PCSK5: variants seen among roughly 807,000 people sequenced by gnomAD.
PCSK5 encodes proprotein convertase subtilisin/kexin type 5.
PCSK5 carries 129 observed loss-of-function variants against 233.2 expected under a neutral mutation model. The observed-to-expected ratio is 0.55, with a 90% CI of 0.48 to 0.64. The LOEUF (loss-of-function observed/expected upper bound fraction) is 0.64, where lower values mean the gene tolerates loss of function less well. Among genes scored for constraint, PCSK5 ranks in the 30% least tolerant of loss-of-function variants. The probability of loss-of-function intolerance (pLI) is 0.00; values close to 1 mark genes in which losing one functional copy is unlikely to be tolerated. For synonymous variants in PCSK5, 825 were observed against 879.2 expected (o/e 0.94, Z 1.09); for missense variants, 2,076 against 2,430.1 (o/e 0.85, Z 3.06).
chr9:75,899,264 A>G (rs1305304263), intron 1 of PCSK5, among the ~76,000 whole-genome samples: 1 of 152,220 alleles, frequency 6.6e-6, no homozygotes, highest in African/African-American at 2.4e-5. Flanking sequence ...GCATTAGTTT[A>G]TACTTAAGGT....
intron 5 of PCSK5, among the ~76,000 whole-genome samples, chr9:76,047,933 T>C (rs958660928): frequency 9.2e-5 from 14 of 152,200 alleles, no homozygotes; most frequent in Non-Finnish European, 2.1e-4. Context: ...ATTTGAATTT[T>C]AGTAGGGTCA....
At chr9:76,049,789 GA>G (rs1304784104) in intron 5 of PCSK5, among the ~76,000 whole-genome samples, 1 of 152,154 alleles carries the variant, frequency 6.6e-6, no homozygotes, top group Admixed American at 6.5e-5. Flanking sequence ...TTATGATCAG[GA>G]AACAGCCCTG....
rs1830436010 is a variant in PCSK5 at position 76,361,806 on chromosome 9, T to C, written c.*2884T>C. On this transcript the variant is annotated 3_prime_UTR_variant, in exon 38 of 38. Coordinates refer to ENST00000674117, the MANE Select transcript of PCSK5 (RefSeq NM_001372043.1). Reference sequence around the variant, plus strand: ...AAAAATATATGCATGATAGCCATCATATCAATGGAAGACTTTCTCACCTCT... The same window carrying C: ...AAAAATATATGCATGATAGCCATCACATCAATGGAAGACTTTCTCACCTCT... The C allele has an allele frequency of 6.6e-6, 1 of 152,252 alleles. No individual in the cohort carries two copies. Among genetic ancestry groups the C allele is most frequent in the Admixed American group, 6.5e-5 (1 of 15,280 alleles). The allele number at this position is 152,252 out of a possible 1,614,324, so 9.4% of individuals were successfully genotyped here.
At chr9:76,193,397 T>A in intron 20 of PCSK5, 1 of 1,341,924 alleles carries the variant, frequency 7.5e-7, no homozygotes. Flanking sequence ...TATAGATTAT[T>A]CCATATTATT....
At chr9:75,973,346 CAT>C (rs1825881229) in intron 2 of PCSK5, among the ~76,000 whole-genome samples, 1 of 152,146 alleles carries the variant, frequency 6.6e-6, no homozygotes, top group African/African-American at 2.4e-5. Flanking sequence ...CTGTAAATGA[CAT>C]AGGATTATTT....
At chr9:75,945,381 CAA>C (rs1368422505) in intron 2 of PCSK5, among the ~76,000 whole-genome samples, 2 of 151,932 alleles carry the variant, frequency 1.3e-5, no homozygotes, top group Non-Finnish European at 2.9e-5. Context: ...ACTGAGTCAT[CAA>C]GAGATATTGT....
chr9:75,911,330 C>G (rs565938342), intron 1 of PCSK5, among the ~76,000 whole-genome samples: 5 of 148,782 alleles, frequency 3.4e-5, no homozygotes, highest in Admixed American at 2.0e-4. Flanking sequence ...GTCTTTCTCC[C>G]ACTTTGTAGT....
chr9:75,893,523 C>T (rs1825693225), intron 1 of PCSK5, among the ~76,000 whole-genome samples: 1 of 152,132 alleles, frequency 6.6e-6, no homozygotes, highest in Non-Finnish European at 1.5e-5. Flanking sequence ...TTAACAAGGG[C>T]AGAAACAGCT....
chr9:76,338,558 T>C (rs771082613), intron 35 of PCSK5, 111 bp downstream of exon 35: 2 of 712,172 alleles, frequency 2.8e-6, no homozygotes, highest in African/African-American at 3.5e-5. Flanking sequence ...CTTGCTTCCC[T>C]ACCTCGTGTG....
At chr9:76,133,277 T>C (rs1195375242) in intron 9 of PCSK5, among the ~76,000 whole-genome samples, 1 of 152,090 alleles carries the variant, frequency 6.6e-6, no homozygotes, top group Admixed American at 6.6e-5. Flanking sequence ...CTGATTAGAA[T>C]TGCATGCATG....
chr9:76,093,568 TA>T (rs1320536307), intron 7 of PCSK5, among the ~76,000 whole-genome samples: 12 of 144,854 alleles, frequency 8.3e-5, no homozygotes, highest in African/African-American at 2.7e-4. Context: ...CATAATTTTA[TA>T]TATATATATA....
intron 5 of PCSK5, among the ~76,000 whole-genome samples, chr9:76,064,255 G>T (rs575941229): frequency 1.0e-5 from 1 of 99,234 alleles, no homozygotes; most frequent in Non-Finnish European, 1.9e-5. Flanking sequence ...TCTCCCTCCT[G>T]GACGGGGTGG....
At chr9:76,342,276 G>C (rs1277785279) in intron 35 of PCSK5, among the ~76,000 whole-genome samples, 1 of 152,092 alleles carries the variant, frequency 6.6e-6, no homozygotes, top group Admixed American at 6.6e-5. Flanking sequence ...TTATTGCCCA[G>C]CCTCACTCTA....
chr9:76,162,503 C>T (rs1403962938), intron 12 of PCSK5, among the ~76,000 whole-genome samples: 2 of 151,616 alleles, frequency 1.3e-5, no homozygotes, highest in African/African-American at 4.9e-5. Flanking sequence ...TCCTGGTGTC[C>T]TTCATGTTGG....
rs144416678 is a variant in PCSK5 at position 76,192,202 on chromosome 9, G to T, written c.2626+2456G>T. 2.8e-3 allele frequency among the ~76,000 whole-genome samples: 422 copies of T among 152,120 alleles called. 3 individuals carry two copies. Among genetic ancestry groups the T allele is most frequent in the African/African-American group, 9.8e-3 (408 of 41,510 alleles). ...CTTTAACTACTTTCCCTAAACCATG[G>T]TGAGCACTGGATAAGTTATGTCAAA... On this transcript the variant is annotated intron_variant, in intron 20 of 37. Coordinates refer to ENST00000674117, the MANE Select transcript of PCSK5 (RefSeq NM_001372043.1).
chr9:76,285,238 T>C (rs1828026875), intron 24 of PCSK5, among the ~76,000 whole-genome samples: 2 of 152,148 alleles, frequency 1.3e-5, no homozygotes, highest in African/African-American at 2.4e-5. Flanking sequence ...GCATAAGATA[T>C]AGATGAGTAG....
chr9:76,181,222 C>G (rs1823857306), intron 15 of PCSK5, among the ~76,000 whole-genome samples, 176 bp from the exon 16 acceptor site: 1 of 152,138 alleles, frequency 6.6e-6, no homozygotes, highest in African/African-American at 2.4e-5. Flanking sequence ...GCTACTTCAG[C>G]ACACTGTGCA....
chr9:76,250,291 ACT>A (rs1366855592), intron 24 of PCSK5, among the ~76,000 whole-genome samples: 1 of 152,036 alleles, frequency 6.6e-6, no homozygotes. Context: ...ACAGAGTGAG[ACT>A]CTGTCTCAAA....
intron 17 of PCSK5, among the ~76,000 whole-genome samples, chr9:76,187,457 G>A (rs539893174): frequency 6.6e-6 from 1 of 152,104 alleles, no homozygotes; most frequent in South Asian, 2.1e-4. Flanking sequence ...AAACTCATGG[G>A]CTCAAGCAAT....
Sources: allele counts gnomAD v4.1 joint callset (sites outside exome capture counted in the v4.1 genomes callset), GRCh38; gene constraint gnomAD v4.1.1; transcripts MANE v1.5; gene names NCBI Gene and HGNC (gene_info 2026-07-23, HGNC 2026-07-21).